Variants in JARID2 observed in about 807,000 individuals in gnomAD.
JARID2 encodes the protein jumonji and AT-rich interaction domain containing 2, also known as protein Jumonji.
A neutral mutation model predicts 125.6 loss-of-function variants in JARID2; 21 were observed. That is an observed-to-expected ratio of 0.17 (90% confidence interval 0.12 to 0.24). The LOEUF is 0.24. Among genes scored for constraint, JARID2 ranks in the 10% least tolerant of loss-of-function variants. The probability of loss-of-function intolerance (pLI) is 1.00; values close to 1 mark genes in which losing one functional copy is unlikely to be tolerated. For missense variants in JARID2, 1,303 were observed against 1,639.6 expected (o/e 0.79, Z 3.55); for synonymous variants, 736 against 661.6 (o/e 1.11, Z -1.73).
intron 1 of JARID2, among the ~76,000 whole-genome samples, chr6:15,263,211 G>A (rs1244796283): frequency 6.6e-6 from 1 of 151,846 alleles, no homozygotes; most frequent in East Asian, 1.9e-4. Context: ...TTTGCAAACC[G>A]TAAACACTGG....
chr6:15,513,341 G>T lies in JARID2; in HGVS notation c.3369G>T (p.Lys1123Asn), dbSNP rs140006436. ...GCAGCAGCACGGTGGCGGACGGGAAGAAAAAGCCTCGAAAGTGGCTGCAGT... is the reference window on the plus strand; with the variant it reads ...GCAGCAGCACGGTGGCGGACGGGAATAAAAAGCCTCGAAAGTGGCTGCAGT... ...HDGSSTVADG[K>N]KKPRKWLQLE... The change falls in exon 16 of 18, where the codon AAG becomes AAT. Residue 1123 changes from lysine to asparagine, a missense_variant. Transcript: ENST00000341776. 4.3e-6 allele frequency: 7 copies of T among 1,613,254 alleles called. No homozygotes were observed. Among genetic ancestry groups the T allele is most frequent in the Non-Finnish European group, 5.1e-6 (6 of 1,179,816 alleles).
intron 1 of JARID2, among the ~76,000 whole-genome samples, chr6:15,327,445 G>T (rs948320081): frequency 6.6e-6 from 1 of 152,150 alleles, no homozygotes; most frequent in Non-Finnish European, 1.5e-5. Context: ...GAGGCCACGA[G>T]GGGGAGATCT....
At chr6:15,394,923 C>T (rs548981256) in intron 2 of JARID2, among the ~76,000 whole-genome samples, 13 of 134,490 alleles carry the variant, frequency 9.7e-5, no homozygotes, top group African/African-American at 2.6e-4. Flanking sequence ...CCCAGGAAAC[C>T]GACGTAGAAT....
intron 1 of JARID2, among the ~76,000 whole-genome samples, chr6:15,266,881 C>T (rs1760105834): frequency 1.3e-5 from 2 of 152,196 alleles, no homozygotes; most frequent in Admixed American, 6.5e-5. Context: ...TGTCCCTCAG[C>T]CACTTATTAG....
intron 1 of JARID2, among the ~76,000 whole-genome samples, chr6:15,327,117 CT>C (rs1762556514): frequency 2.0e-5 from 3 of 152,180 alleles, no homozygotes; most frequent in Admixed American, 2.0e-4. Context: ...GCTTTGGGAT[CT>C]TTTTTCTCCC....
At chr6:15,260,135 G>A (rs894838309) in intron 1 of JARID2, among the ~76,000 whole-genome samples, 2 of 152,210 alleles carry the variant, frequency 1.3e-5, no homozygotes, top group African/African-American at 4.8e-5. Context: ...ACATCTTCGA[G>A]TGGCAGAGAT....
intron 1 of JARID2, among the ~76,000 whole-genome samples, chr6:15,316,494 C>T (rs907071933): frequency 6.6e-6 from 1 of 152,018 alleles, no homozygotes; most frequent in Non-Finnish European, 1.5e-5. Flanking sequence ...GGACAGTAGT[C>T]CTTATGCTTG....
chr6:15,482,340 T>G (rs926253947), intron 5 of JARID2, among the ~76,000 whole-genome samples: 8 of 152,232 alleles, frequency 5.3e-5, no homozygotes, highest in African/African-American at 1.7e-4. Flanking sequence ...CCCAAAAGGC[T>G]TTTATTAATG....
In JARID2 at chr6:15,246,527, T is replaced by C; in HGVS notation, c.-13T>C. ...CAATTGTCCCCTTTTGCAATCAGCA[T>C]TTGGATCTCAGAATGAGCAAGGAAA... On this transcript the variant is annotated 5_prime_UTR_variant, in exon 1 of 18. Transcript: ENST00000341776. 6.2e-7 allele frequency: 1 copy of C among 1,612,598 alleles called. No individual in the cohort carries two copies. The highest frequency in any genetic ancestry group is 8.5e-7 in the Non-Finnish European group (1 of 1,178,858).
rs1554149624 is a variant in JARID2, at chr6:15,520,685, A to ATG, written c.*434_*435insTG. 7 of 337,668 alleles carry ATG rather than the reference A, an allele frequency of 2.1e-5. No individual in the cohort carries two copies. The highest frequency in any genetic ancestry group is 3.8e-5 in the Non-Finnish European group (6 of 158,160). The allele number at this position is 337,668 out of a possible 1,614,324, so 20.9% of individuals were successfully genotyped here. ...ATTTTTTAGAAGGGATAGGAGACAC[A>ATG]CGCGCACACACACACACACACGAAA... On this transcript the variant is annotated 3_prime_UTR_variant, in exon 18 of 18. Transcript: ENST00000341776.
chr6:15,264,612 A>AGTGTGTGTGTGTGTGT (rs148424538), intron 1 of JARID2, among the ~76,000 whole-genome samples: 27 of 146,238 alleles, frequency 1.8e-4, no homozygotes, highest in Admixed American at 7.5e-4. Flanking sequence ...GGTAGGTGTG[A>AGTGTGTGTGTGTGTGT]GTGTGTGTGT....
At position 15,501,077 on chromosome 6, in the gene JARID2, C is replaced by T; in HGVS notation, c.2116C>T (p.Leu706Phe). The part of the protein sequence containing the change: ...KLQEAYCQYL[L>F]SYDSLSPEEH... ...GCAGGAGGCCTACTGCCAGTACCTA[C>T]TCTCCTACGACTCCCTGTCCCCAGA... The change falls in exon 8 of 18, where the codon CTC becomes TTC. Residue 706 changes from leucine to phenylalanine, a missense_variant. Physicochemically the swap from Leu to Phe is conservative, Grantham distance 22. This residue lies in a region of JARID2 where 64 missense variants were observed against 166.8 expected (regional missense o/e 0.38). Coordinates refer to ENST00000341776, the MANE Select transcript of JARID2 (RefSeq NM_004973.4). 6.2e-7 allele frequency: 1 copy of T among 1,613,994 alleles called. No homozygotes were observed. The highest frequency in any genetic ancestry group is 8.5e-7 in the Non-Finnish European group (1 of 1,179,862).
intron 1 of JARID2, among the ~76,000 whole-genome samples, chr6:15,283,257 T>C (rs12189766): frequency 0.021 from 2,975 of 140,090 alleles, 55 homozygotes; most frequent in East Asian, 0.038. Flanking sequence ...GGATTACAGG[T>C]GTGAGCCACT....
At chr6:15,367,754 A>G (rs1025578607) in intron 1 of JARID2, among the ~76,000 whole-genome samples, 3 of 152,228 alleles carry the variant, frequency 2.0e-5, no homozygotes, top group African/African-American at 7.2e-5. Context: ...CAGAGAAATC[A>G]TGATTATTAA....
intron 1 of JARID2, among the ~76,000 whole-genome samples, chr6:15,332,930 C>CTTTTTTTTT (rs1319288795): frequency 3.6e-4 from 30 of 82,816 alleles, no homozygotes; most frequent in African/African-American, 4.9e-4. Context: ...CTTTTCTTTT[C>CTTTTTTTTT]TTTTCTTTTT....
intron 3 of JARID2, among the ~76,000 whole-genome samples, chr6:15,430,598 A>G (rs1332662582): frequency 6.6e-6 from 1 of 152,210 alleles, no homozygotes; most frequent in Non-Finnish European, 1.5e-5. Flanking sequence ...ATGATTTAAA[A>G]AGTGCACTAA....
intron 5 of JARID2, among the ~76,000 whole-genome samples, chr6:15,479,038 C>A (rs1297214672): frequency 2.0e-5 from 3 of 152,194 alleles, no homozygotes; most frequent in African/African-American, 7.2e-5. Context: ...TAACGCCATC[C>A]TTTTCTGAGT....
chr6:15,263,563 G>A (rs1483677481), intron 1 of JARID2, among the ~76,000 whole-genome samples: 1 of 151,126 alleles, frequency 6.6e-6, no homozygotes, highest in Non-Finnish European at 1.5e-5. Context: ...TGAAATTGTT[G>A]AGATTGGTCC....
chr6:15,285,251 C>T (rs1448042446), intron 1 of JARID2, among the ~76,000 whole-genome samples: 2 of 151,870 alleles, frequency 1.3e-5, no homozygotes, highest in Admixed American at 6.6e-5. Context: ...GCTGGGATTA[C>T]AGGCACCTGC....
Sources: gnomAD v4.1 joint callset for allele counts (sites outside exome capture counted in the v4.1 genomes callset) on GRCh38, gnomAD v4.1.1 for gene constraint, gnomAD v4.1.1 regional missense constraint, MANE v1.5 for transcripts, NCBI Gene and HGNC (gene_info 2026-07-23, HGNC 2026-07-21) for gene names.